Variants in LIAS observed in about 807,000 individuals in gnomAD.
LIAS encodes the protein lipoic acid synthetase.
In LIAS, 36 loss-of-function variants were observed where a neutral mutation model predicts 49.4. The observed-to-expected ratio is 0.73, with a 90% CI of 0.56 to 0.96. The LOEUF is 0.96. LIAS is among the 40% of genes least tolerant of loss of function. The probability of loss-of-function intolerance (pLI) is 0.00; values close to 1 mark genes in which losing one functional copy is unlikely to be tolerated. For missense variants in LIAS, 399 were observed against 456.3 expected (o/e 0.87, Z 1.14); for synonymous variants, 145 against 155.8 (o/e 0.93, Z 0.52).
chr4:39,473,117 T>C lies in LIAS; in HGVS notation c.972T>C (p.Thr324=). ...RRHLKVEEYI[T]PEKFKYWEKV... ...AAATCTAGGTTGAAGAATATATTAC[T>C]CCTGAAAAATTCAAATACTGGGAAA... is the stretch of plus-strand genomic sequence containing the variant. Residue 324 remains threonine, a synonymous_variant, in exon 10 of 11, where the codon ACT becomes ACC. Transcript: ENST00000640888. The C allele has an allele frequency of 6.3e-7, 1 of 1,586,354 alleles. No homozygotes were observed. Among genetic ancestry groups the C allele is most frequent in the Non-Finnish European group, 8.7e-7 (1 of 1,154,726 alleles).
chr4:39,471,346 T>C (rs758580058), intron 9 of LIAS, 40 bp downstream of exon 9: 15 of 1,473,660 alleles, frequency 1.0e-5, no homozygotes, highest in South Asian at 9.4e-5. Flanking sequence ...TTTTTTTTAT[T>C]TTTAAAGATG....
At chr4:39,463,627 ATG>A in intron 4 of LIAS, 22 bp downstream of exon 4, 1 of 1,605,660 alleles carries the variant, frequency 6.2e-7, no homozygotes, top group Non-Finnish European at 8.5e-7. Flanking sequence ...CTCAACCTCT[ATG>A]GCTTTAGTCT....
chr4:39,467,290 T>TCCC (rs1465535797), intron 6 of LIAS: 5 of 266,938 alleles, frequency 1.9e-5, no homozygotes, highest in Non-Finnish European at 2.8e-5. Context: ...TTTTATTCAG[T>TCCC]TTGCCTACAG....
At chr4:39,471,150 C>A in intron 8 of LIAS, 86 bp from the exon 9 acceptor site, 1 of 974,968 alleles carries the variant, frequency 1.0e-6, no homozygotes, top group Non-Finnish European at 1.6e-6. Context: ...AAAGTTCACA[C>A]CGTTTTTAAA....
Position 39,473,185 on chromosome 4 carries a change from CTTTGGTGCG to C in LIAS, c.1043_1051del (p.Leu348_Arg350del). 1 of 1,612,260 alleles carries C rather than the reference CTTTGGTGCG, an allele frequency of 6.2e-7. No homozygotes were observed. Among genetic ancestry groups the C allele is most frequent in the Non-Finnish European group, 8.5e-7 (1 of 1,178,408 alleles). ...GGATTTCATTATACTGCAAGTGGCC[CTTTGGTGCG>C]TTCTTCATATAAAGCAGGTAAGTTA... On this transcript the variant is annotated inframe_deletion, in exon 10 of 11. Transcript: ENST00000640888.
intron 1 of LIAS, among the ~76,000 whole-genome samples, chr4:39,459,753 T>C (rs1168444639): frequency 6.6e-6 from 1 of 152,042 alleles, no homozygotes; most frequent in Non-Finnish European, 1.5e-5. Context: ...ACCTAGAAAG[T>C]AAAAACGTTC....
intron 8 of LIAS, chr4:39,470,427 C>G: frequency 3.2e-6 from 1 of 311,178 alleles, no homozygotes; most frequent in Non-Finnish European, 6.1e-6. Flanking sequence ...ATTTTATTCC[C>G]CATCCTTTGC....
At chr4:39,465,414 C>T in intron 6 of LIAS, 72 bp downstream of exon 6, 1 of 1,256,564 alleles carries the variant, frequency 8.0e-7, no homozygotes, top group Non-Finnish European at 1.1e-6. Flanking sequence ...AGTTCATTAC[C>T]TTGAAACAGG....
In LIAS at chr4:39,465,202, G is replaced by A; in HGVS notation, c.550G>A (p.Asp184Asn). The change falls in exon 5 of 11, where the codon GAT (aspartate) becomes AAT (asparagine). Residue 184 changes from aspartate to asparagine, a missense_variant and splice_region_variant. Coordinates refer to ENST00000640888, the MANE Select transcript of LIAS (RefSeq NM_006859.4). ...YVVLTSVDRD[D>N]MPDGGAEHIA... ...TGTCCTGACATCTGTGGATCGAGAT[G>A]GTTAGTGTGTCATCATGGCCTCTAC... The A allele has an allele frequency of 6.2e-7, 1 of 1,613,434 alleles. No individual in the cohort carries two copies. Among genetic ancestry groups the A allele is most frequent in the Non-Finnish European group, 8.5e-7 (1 of 1,179,486 alleles).
At chr4:39,471,656 A>G (rs562449932) in intron 9 of LIAS, among the ~76,000 whole-genome samples, 1 of 149,186 alleles carries the variant, frequency 6.7e-6, no homozygotes, top group South Asian at 2.1e-4. Flanking sequence ...CCTCCTGAGT[A>G]GCTGGGATTA....
intron 8 of LIAS, among the ~76,000 whole-genome samples, chr4:39,470,851 T>C (rs1223937348): frequency 6.6e-6 from 1 of 152,200 alleles, no homozygotes; most frequent in Non-Finnish European, 1.5e-5. Flanking sequence ...TCTTGTGCAT[T>C]GAGTAAAAGC....
At chr4:39,472,678 G>A (rs1416725539) in intron 9 of LIAS, among the ~76,000 whole-genome samples, 3 of 152,330 alleles carry the variant, frequency 2.0e-5, no homozygotes, top group East Asian at 1.9e-4. Context: ...AGAAGCTTGT[G>A]TTGAGCAGTG....
At chr4:39,463,957 C>T (rs1744653567) in intron 4 of LIAS, 1 of 189,596 alleles carries the variant, frequency 5.3e-6, no homozygotes, top group South Asian at 1.2e-4. Flanking sequence ...GTTTTTACAT[C>T]CATAGAGACC....
At position 39,471,560 on chromosome 4, in the gene LIAS, T is replaced by C. The variant is rs113901480; in HGVS notation, c.954+254T>C. On this transcript the variant is annotated intron_variant, in intron 9 of 10. Transcript: ENST00000640888. ...TTTTTTTTTTGAGACGGAGTCTCGC[T>C]CTGTCGCCCAGGCTGGAGTGCAGTG... Among the ~76,000 whole-genome samples the C allele has an allele frequency of 0.086, 11,357 of 131,564 alleles. 611 individuals carry two copies. Among genetic ancestry groups the C allele is most frequent in the African/African-American group, 0.15 (5,110 of 35,186 alleles). 86.3% of individuals were successfully genotyped at this position (131,564 alleles called of 152,430 possible).
chr4:39,463,838 C>A, intron 4 of LIAS: 1 of 791,342 alleles, frequency 1.3e-6, no homozygotes, highest in Non-Finnish European at 1.7e-6. Flanking sequence ...TAATCACGTG[C>A]TGCCTTGAGA....
intron 1 of LIAS, 47 bp downstream of exon 1, chr4:39,459,209 A>G (rs1002902444): frequency 1.9e-6 from 3 of 1,568,034 alleles, no homozygotes; most frequent in African/African-American, 2.7e-5. Context: ...GGGGGATCCT[A>G]TCCCTTCAGA....
intron 10 of LIAS, among the ~76,000 whole-genome samples, chr4:39,474,706 C>T (rs557987057): frequency 2.0e-5 from 3 of 152,020 alleles, no homozygotes; most frequent in South Asian, 2.1e-4. Flanking sequence ...CGGCATTCTC[C>T]TGCCTCAGCC....
Position 39,460,774 on chromosome 4 carries a change from T to C in LIAS, c.46-16T>C, listed in dbSNP as rs752442762. The C allele has an allele frequency of 6.5e-6, 10 of 1,549,678 alleles. No homozygotes were observed. The highest frequency in any genetic ancestry group is 2.1e-5 in the Admixed American group (1 of 47,494). On this transcript the variant is annotated splice_polypyrimidine_tract_variant and intron_variant, in intron 1 of 10. Coordinates refer to ENST00000640888, the MANE Select transcript of LIAS (RefSeq NM_006859.4). Reference sequence around the variant, plus strand: ...GGACTCCACTAAATAAACGTCATAATTAACTCTTTCTTTAGGTATTTGGGA... The same window carrying C: ...GGACTCCACTAAATAAACGTCATAACTAACTCTTTCTTTAGGTATTTGGGA...
Position 39,473,116 on chromosome 4 carries a change from C to G in LIAS, c.971C>G (p.Thr324Ser), listed in dbSNP as rs754544230. The G allele has an allele frequency of 6.3e-7, 1 of 1,581,612 alleles. No individual in the cohort carries two copies. Among genetic ancestry groups the G allele is most frequent in the Non-Finnish European group, 8.7e-7 (1 of 1,150,514 alleles). Residue 324 changes from threonine (T) to serine (S), a missense_variant, in exon 10 of 11, where the codon ACT becomes AGT. By Grantham distance (58) the Thr-to-Ser change is moderately conservative (BLOSUM62 1). This residue lies in a region of LIAS where 234 missense variants were observed against 292.2 expected (regional missense o/e 0.80). Transcript: ENST00000640888. ...TAAATCTAGGTTGAAGAATATATTACTCCTGAAAAATTCAAATACTGGGAA... is the reference window on the plus strand; with the variant it reads ...TAAATCTAGGTTGAAGAATATATTAGTCCTGAAAAATTCAAATACTGGGAA... ...RRHLKVEEYI[T>S]PEKFKYWEKV... is the part of the protein sequence containing the mutation.
Sources: gnomAD v4.1 joint callset for allele counts (sites outside exome capture counted in the v4.1 genomes callset) on GRCh38, gnomAD v4.1.1 for gene constraint, gnomAD v4.1.1 regional missense constraint, MANE v1.5 for transcripts, NCBI Gene and HGNC (gene_info 2026-07-23, HGNC 2026-07-21) for gene names.